ELP2: variants seen among roughly 807,000 people sequenced by gnomAD.
ELP2 encodes elongator acetyltransferase complex subunit 2, also known as elongator complex protein 2.
A neutral mutation model predicts 119.2 loss-of-function variants in ELP2; 90 were observed. The ratio of observed to expected loss-of-function variants is 0.75; its 90% CI spans 0.64 to 0.90. The LOEUF is 0.90. ELP2 is among the 40% of genes least tolerant of loss of function. ELP2 has a pLI of 0.00. For synonymous variants in ELP2, 339 were observed against 331.0 expected (o/e 1.02, Z -0.26); for missense variants, 921 against 967.8 (o/e 0.95, Z 0.64).
At chr18:36,163,275 G>GTGTGTGTGTGTGTGTGTGTGTGT (rs1555644860) in intron 17 of ELP2, among the ~76,000 whole-genome samples, 6 of 145,360 alleles carry the variant, frequency 4.1e-5, no homozygotes, top group African/African-American at 7.6e-5. Flanking sequence ...GTTCATGGGG[G>GTGTGTGTGTGTGTGTGTGTGTGT]GTGTGTGTGT....
chr18:36,171,090 T>C lies in ELP2; in HGVS notation c.2254T>C (p.Tyr752His), dbSNP rs2091067454. The change falls in exon 21 of 22, where the codon TAT becomes CAT. Residue 752 changes from tyrosine to histidine, a missense_variant. Coordinates refer to ENST00000358232, the MANE Select transcript of ELP2 (RefSeq NM_018255.4). ...ATTGGAGTGTGGAAAGATTTGCTTA[T>C]ATACCTGGAAAAAGACTGATCAAGT... is the stretch of plus-strand genomic sequence containing the variant. ...VGLECGKICLYTWKKTDQVPE... is the reference protein window; with the variant it reads ...VGLECGKICLHTWKKTDQVPE... The C allele has an allele frequency of 1.2e-6, 2 of 1,614,170 alleles. No homozygotes were observed.
Position 36,170,162 on chromosome 18 carries a change from G to C in ELP2, c.2176G>C (p.Val726Leu). Residue 726 changes from valine (V) to leucine (L), a missense_variant, in exon 20 of 22, where the codon GTC becomes CTC. Coordinates refer to ENST00000358232, the MANE Select transcript of ELP2 (RefSeq NM_018255.4). The part of the protein sequence containing the change: ...VLDVGGAVTA[V>L]SVCPVLHPSQ... ...GGACGTGGGTGGGGCTGTGACAGCT[G>C]TCAGCGTCTGCCCAGTGCTCCACCC... 6.2e-7 allele frequency: 1 copy of C among 1,614,146 alleles called. No individual in the cohort carries two copies. The highest frequency in any genetic ancestry group is 8.5e-7 in the Non-Finnish European group (1 of 1,180,022).
intron 21 of ELP2, among the ~76,000 whole-genome samples, chr18:36,172,860 A>G (rs2032206): frequency 0.41 from 61,988 of 152,032 alleles, 14,135 homozygotes; most frequent in South Asian, 0.68. Flanking sequence ...GTGACTTAGG[A>G]TTTGCAAGAT....
intron 17 of ELP2, among the ~76,000 whole-genome samples, chr18:36,163,231 A>T (rs1431681053): frequency 6.7e-6 from 1 of 149,632 alleles, no homozygotes; most frequent in African/African-American, 2.5e-5. Context: ...GCTGCAGAAG[A>T]CATGATTTCA....
At position 36,167,091 on chromosome 18, in the gene ELP2, T is replaced by A; in HGVS notation, c.1955-10T>A. On this transcript the variant is annotated splice_polypyrimidine_tract_variant and intron_variant, in intron 18 of 21. Transcript: ENST00000358232. Reference sequence around the variant, plus strand: ...CTGCTTTGTGAATAGTGTATACATATTTCTTTCAGAGCCAGTTTTTAGTCT... The same window carrying A: ...CTGCTTTGTGAATAGTGTATACATAATTCTTTCAGAGCCAGTTTTTAGTCT... 1 of 1,595,948 alleles carries A rather than the reference T, an allele frequency of 6.3e-7. No individual in the cohort carries two copies. Among genetic ancestry groups the A allele is most frequent in the Non-Finnish European group, 8.5e-7 (1 of 1,171,912 alleles).
chr18:36,166,372 C>T lies in ELP2; in HGVS notation c.1955-729C>T, dbSNP rs1219153974. Among the ~76,000 whole-genome samples, 5 of 111,326 alleles carry T rather than the reference C, an allele frequency of 4.5e-5. No individual in the cohort carries two copies. The South Asian group carries it at 1.5e-3, about 34-fold the overall frequency. The allele number at this position is 111,326 out of a possible 152,430, so 73.0% of individuals were successfully genotyped here. On this transcript the variant is annotated intron_variant, in intron 18 of 21. Transcript: ENST00000358232. ...TCAGACGGAGTTTCCCTCTTGTTCCCCAGGCTGGAGTGCAGTGGTATGATC... is the reference window on the plus strand; with the variant it reads ...TCAGACGGAGTTTCCCTCTTGTTCCTCAGGCTGGAGTGCAGTGGTATGATC...
At chr18:36,168,070 A>G (rs1359845039) in intron 19 of ELP2, among the ~76,000 whole-genome samples, 3 of 152,190 alleles carry the variant, frequency 2.0e-5, no homozygotes, top group Non-Finnish European at 4.4e-5. Flanking sequence ...ACTCTTTAAA[A>G]TATCCTTTTG....
chr18:36,167,050 A>G, intron 18 of ELP2, 51 bp from the exon 19 acceptor site: 2 of 1,549,890 alleles, frequency 1.3e-6, no homozygotes, highest in Non-Finnish European at 1.7e-6. Context: ...CCTAACAGGT[A>G]AAAACCCAGC....
At chr18:36,146,414 AATC>A in intron 11 of ELP2, 33 bp downstream of exon 11, 1 of 1,606,210 alleles carries the variant, frequency 6.2e-7, no homozygotes, top group Non-Finnish European at 8.5e-7. Context: ...AAGCATTTCT[AATC>A]AAATAGAGTA....
At chr18:36,162,920 A>T (rs1310135385) in intron 17 of ELP2, among the ~76,000 whole-genome samples, 1 of 152,188 alleles carries the variant, frequency 6.6e-6, no homozygotes, top group African/African-American at 2.4e-5. Flanking sequence ...AAAAGTTTTT[A>T]AAGTTTTTTT....
intron 12 of ELP2, among the ~76,000 whole-genome samples, chr18:36,155,271 C>A (rs887667010): frequency 4.1e-5 from 6 of 145,214 alleles, no homozygotes; most frequent in South Asian, 4.7e-4. Context: ...CCCTCCCCCC[C>A]CCCCGCCTCC....
At chr18:36,132,147 A>T (rs1406255045) in intron 1 of ELP2, among the ~76,000 whole-genome samples, 1 of 152,000 alleles carries the variant, frequency 6.6e-6, no homozygotes, top group Admixed American at 6.5e-5. Flanking sequence ...TGGCCTCCTG[A>T]AGTGCTGGGA....
intron 13 of ELP2, among the ~76,000 whole-genome samples, chr18:36,157,474 A>G (rs2090607970): frequency 6.6e-6 from 1 of 152,284 alleles, no homozygotes; most frequent in East Asian, 1.9e-4. Flanking sequence ...AAGACTGGAT[A>G]GAAGTGGGGA....
At chr18:36,156,680 C>T (rs769763942) in intron 13 of ELP2, 26 bp downstream of exon 13, 1 of 1,596,630 alleles carries the variant, frequency 6.3e-7, no homozygotes, top group Non-Finnish European at 8.6e-7. Flanking sequence ...AATATTTTAC[C>T]TAAATCTAGT....
rs2091241298 is a variant in ELP2, at chr18:36,177,070, TG to T, written c.*2430del. 1 of 152,202 alleles carries T rather than the reference TG, an allele frequency of 6.6e-6. No individual in the cohort carries two copies. Among genetic ancestry groups the T allele is most frequent in the South Asian group, 2.1e-4 (1 of 4,826 alleles). The allele number at this position is 152,202 out of a possible 1,614,324, so 9.4% of individuals were successfully genotyped here. A position where few individuals can be genotyped will look rare whatever the true frequency, so the allele number is the denominator to read the frequency against. On this transcript the variant is annotated 3_prime_UTR_variant, in exon 22 of 22. Coordinates refer to ENST00000358232, the MANE Select transcript of ELP2 (RefSeq NM_018255.4). ...AAACAATGAACGCTGGTCATTGATA[TG>T]TATACTGACATGTTTGAGGGAAGTT...
chr18:36,139,546 G>C, intron 5 of ELP2: 1 of 1,535,688 alleles, frequency 6.5e-7, no homozygotes, highest in Non-Finnish European at 8.7e-7. Flanking sequence ...AGGCTCTGTG[G>C]AAGGAGAAGC....
In ELP2 at chr18:36,179,160, A is replaced by G. The variant is rs952445349; in HGVS notation, c.*4519A>G. 10 of 151,742 alleles carry G rather than the reference A, an allele frequency of 6.6e-5. No homozygotes were observed. The highest frequency in any genetic ancestry group is 2.4e-4 in the African/African-American group (10 of 41,256). The allele number at this position is 151,742 out of a possible 1,614,324, so 9.4% of individuals were successfully genotyped here. A position where few individuals can be genotyped will look rare whatever the true frequency, so the allele number is the denominator to read the frequency against. On this transcript the variant is annotated 3_prime_UTR_variant, in exon 22 of 22. Coordinates refer to ENST00000358232, the MANE Select transcript of ELP2 (RefSeq NM_018255.4). ...AGGACTCTGAGCCCCACTCTGGTGGACTCAGAGATCTGGGACCCGGGCCGG... is the reference window on the plus strand; with the variant it reads ...AGGACTCTGAGCCCCACTCTGGTGGGCTCAGAGATCTGGGACCCGGGCCGG...
chr18:36,146,531 A>T, intron 11 of ELP2, 150 bp downstream of exon 11: 3 of 818,084 alleles, frequency 3.7e-6, no homozygotes. Flanking sequence ...TTGTTAAGGT[A>T]TTGAAATTTG....
rs2091279911 is a variant in ELP2, at chr18:36,178,969, C to G, written c.*4328C>G. 1 of 152,124 alleles carries G rather than the reference C, an allele frequency of 6.6e-6. No individual in the cohort carries two copies. The allele number at this position is 152,124 out of a possible 1,614,324, so 9.4% of individuals were successfully genotyped here. A position where few individuals can be genotyped will look rare whatever the true frequency, so the allele number is the denominator to read the frequency against. On this transcript the variant is annotated 3_prime_UTR_variant, in exon 22 of 22. Coordinates refer to ENST00000358232, the MANE Select transcript of ELP2 (RefSeq NM_018255.4). ...AATGAGCATATCCATAAGTTAAATA[C>G]AAAAATTGTTACATTGTGAGGAGTT...
Sources: allele counts gnomAD v4.1 joint callset (sites outside exome capture counted in the v4.1 genomes callset), GRCh38; gene constraint gnomAD v4.1.1; transcripts MANE v1.5; gene names NCBI Gene and HGNC (gene_info 2026-07-23, HGNC 2026-07-21).